DIAPH2: variants seen among roughly 807,000 people sequenced by gnomAD.
The protein encoded by DIAPH2 is diaphanous related formin 2.
DIAPH2 carries 35 observed loss-of-function variants against 92.7 expected under a neutral mutation model. That is an observed-to-expected ratio of 0.38 (90% CI 0.29 to 0.50). The LOEUF is 0.50. Among genes scored for constraint, DIAPH2 ranks in the 20% least tolerant of loss-of-function variants. The pLI, the probability that DIAPH2 is intolerant of heterozygous loss-of-function variation, is 0.94. For synonymous variants in DIAPH2, 301 were observed against 280.4 expected, an observed-to-expected ratio of 1.07 and a Z score of -0.73; for missense variants, 701 against 819.5, an observed-to-expected ratio of 0.86 and a Z score of 1.77.
intron 26 of DIAPH2, among the ~76,000 whole-genome samples, chrX:97,433,988 G>A (rs1419774729): frequency 8.9e-6 from 1 of 111,942 alleles, no homozygotes; most frequent in East Asian, 2.8e-4. Context: ...GTGAGAGCTG[G>A]AGTTAGGGAT....
chrX:97,465,271 ACC>A (rs200452626), intron 26 of DIAPH2, among the ~76,000 whole-genome samples: 2 of 110,167 alleles, frequency 1.8e-5, no homozygotes, highest in African/African-American at 3.3e-5. Context: ...TTTAGAATTC[ACC>A]CACACACACA....
At chrX:97,524,661 TTGAA>T (rs1465608019) in intron 26 of DIAPH2, among the ~76,000 whole-genome samples, 1 of 112,247 alleles carries the variant, frequency 8.9e-6, no homozygotes, top group East Asian at 2.8e-4. Flanking sequence ...CTCTACAAAG[TTGAA>T]ATTTATTGTT....
intron 23 of DIAPH2, among the ~76,000 whole-genome samples, chrX:97,248,815 C>T (rs919576993): frequency 9.0e-6 from 1 of 111,312 alleles, no homozygotes; most frequent in Admixed American, 9.6e-5. Flanking sequence ...GTGCTGAACT[C>T]GAATTACTTA....
Position 97,473,535 on chromosome X carries a change from C to T in DIAPH2, c.3241+43790C>T, listed in dbSNP as rs1233740561. Among the ~76,000 whole-genome samples, 12 of 111,086 alleles carry T rather than the reference C, an allele frequency of 1.1e-4. No homozygotes were observed. The East Asian group carries it at 2.9e-3, about 27-fold the overall frequency. The stretch of plus-strand genomic sequence containing the variant: ...ATTTTTAGTAGAGACGGGGTTTCAC[C>T]GTGTTGGTCAGGCTTGGTCTTGAAC... On this transcript the variant is annotated intron_variant, in intron 26 of 26. Transcript: ENST00000324765.
At chrX:96,886,162 A>G (rs2147753498) in intron 5 of DIAPH2, among the ~76,000 whole-genome samples, 1 of 110,722 alleles carries the variant, frequency 9.0e-6, no homozygotes, top group South Asian at 3.7e-4. Flanking sequence ...ATTTTAGTGT[A>G]GATTATATAA....
intron 26 of DIAPH2, among the ~76,000 whole-genome samples, chrX:97,440,420 C>T (rs1432075174): frequency 1.8e-5 from 2 of 109,305 alleles, no homozygotes; most frequent in African/African-American, 6.7e-5. Flanking sequence ...GGTGAAACCC[C>T]GTCTCTACTA....
chrX:97,125,730 A>T (rs2067089946), intron 21 of DIAPH2, among the ~76,000 whole-genome samples: 1 of 111,478 alleles, frequency 9.0e-6, no homozygotes, highest in African/African-American at 3.3e-5. Context: ...AATTATCCTT[A>T]TAGAGTAATA....
intron 22 of DIAPH2, among the ~76,000 whole-genome samples, chrX:97,167,520 T>G (rs1335122607): frequency 3.6e-5 from 4 of 111,544 alleles, no homozygotes; most frequent in Non-Finnish European, 5.6e-5. Context: ...ATTATGAATG[T>G]AGTTTTGACC....
chrX:96,866,635 G>C (rs964252792), intron 4 of DIAPH2, among the ~76,000 whole-genome samples: 11 of 112,034 alleles, frequency 9.8e-5, no homozygotes, highest in African/African-American at 3.6e-4. Flanking sequence ...AATCATATGA[G>C]TTGTACTTTT....
In DIAPH2 at chrX:96,945,549, A is replaced by G; in HGVS notation, c.1467A>G (p.Lys489=). 8.6e-7 allele frequency: 1 copy of G among 1,157,475 alleles called. No individual in the cohort carries two copies. Among genetic ancestry groups the G allele is most frequent in the Non-Finnish European group, 1.1e-6 (1 of 875,570 alleles). ...HLIDSCVNKA[K]VEESEQKAAE... Reference sequence around the variant, plus strand: ...TAGATTCTTGTGTGAACAAGGCGAAAGTTGAAGAAAGTGAACAAAAAGCTG... The same window carrying G: ...TAGATTCTTGTGTGAACAAGGCGAAGGTTGAAGAAAGTGAACAAAAAGCTG... Residue 489 remains lysine (K), a synonymous_variant, in exon 14 of 27, where the codon AAA becomes AAG. Transcript: ENST00000324765.
intron 23 of DIAPH2, among the ~76,000 whole-genome samples, chrX:97,277,796 G>A (rs899628071): frequency 7.1e-5 from 8 of 112,142 alleles, no homozygotes; most frequent in Non-Finnish European, 1.5e-4. Flanking sequence ...GGAATAGTTT[G>A]TAGAAATGAC....
intron 26 of DIAPH2, among the ~76,000 whole-genome samples, chrX:97,591,355 C>T (rs1464655847): frequency 8.9e-6 from 1 of 111,969 alleles, no homozygotes; most frequent in East Asian, 2.8e-4. Context: ...GTACATTTAT[C>T]CTTTCTACCC....
chrX:96,959,412 ATTTG>A (rs1287082782), intron 16 of DIAPH2, among the ~76,000 whole-genome samples: 1 of 111,438 alleles, frequency 9.0e-6, no homozygotes, highest in Non-Finnish European at 1.9e-5. Flanking sequence ...TATCTTGGCC[ATTTG>A]TTTGTCTTCT....
At chrX:97,002,312 G>T (rs762700429) in intron 17 of DIAPH2, among the ~76,000 whole-genome samples, 1 of 110,415 alleles carries the variant, frequency 9.1e-6, no homozygotes, top group African/African-American at 3.3e-5. Flanking sequence ...ACATATATAT[G>T]TTTGCATCAG....
chrX:97,304,100 T>C (rs2068728050), intron 23 of DIAPH2, among the ~76,000 whole-genome samples: 1 of 111,979 alleles, frequency 8.9e-6, no homozygotes, highest in Non-Finnish European at 1.9e-5. Context: ...ATGTGGGAAA[T>C]AGACTAATTT....
At chrX:97,528,479 G>A (rs1235704925) in intron 26 of DIAPH2, 3 of 111,999 alleles carry the variant, frequency 2.7e-5, no homozygotes, top group African/African-American at 9.8e-5. Flanking sequence ...TATGGCAGAA[G>A]GAGAAGGGGA....
chrX:97,341,803 A>C (rs2069115703), intron 23 of DIAPH2, among the ~76,000 whole-genome samples: 1 of 111,294 alleles, frequency 9.0e-6, no homozygotes, highest in African/African-American at 3.3e-5. Flanking sequence ...GCCCTCAACA[A>C]ATTGGATCAT....
At chrX:97,020,868 C>T (rs763514152) in intron 17 of DIAPH2, among the ~76,000 whole-genome samples, 1 of 111,837 alleles carries the variant, frequency 8.9e-6, no homozygotes, top group African/African-American at 3.2e-5. Context: ...TGCAGTTGAC[C>T]ATGGGTGACT....
At chrX:96,962,288 T>TATATATATAC (rs1569436384) in intron 16 of DIAPH2, among the ~76,000 whole-genome samples, 8 of 63,492 alleles carry the variant, frequency 1.3e-4, no homozygotes, top group African/African-American at 3.7e-4. Context: ...TATATATACA[T>TATATATATAC]ATATATATAT....
Sources: gnomAD v4.1 joint callset for allele counts (sites outside exome capture counted in the v4.1 genomes callset) on GRCh38, gnomAD v4.1.1 for gene constraint, MANE v1.5 for transcripts, NCBI Gene and HGNC (gene_info 2026-07-23, HGNC 2026-07-21) for gene names.